The following SORCS1 variants were observed in gnomAD, a reference collection of about 807,000 sequenced individuals.
SORCS1 encodes VPS10 domain-containing receptor SorCS1.
Under a neutral mutation model 146.1 loss-of-function variants are expected in SORCS1, and 60 were observed. The observed-to-expected ratio is 0.41, with a 90% confidence interval of 0.33 to 0.51. SORCS1 has a LOEUF of 0.51. Ranked by LOEUF, SORCS1 falls within the 20% of genes least tolerant of loss-of-function variation. The pLI is 0.21. For synonymous variants in SORCS1, 637 were observed against 584.0 expected (o/e 1.09, Z -1.31); for missense variants, 1,352 against 1,487.6 (o/e 0.91, Z 1.50).
chr10:106,961,595 G>A (rs1380401741), intron 1 of SORCS1, among the ~76,000 whole-genome samples: 1 of 152,162 alleles, frequency 6.6e-6, no homozygotes. Context: ...GAGACTGGAG[G>A]AACTTATTTC....
intron 2 of SORCS1, among the ~76,000 whole-genome samples, chr10:106,942,315 T>C (rs1954084644): frequency 1.3e-5 from 2 of 152,172 alleles, no homozygotes; most frequent in South Asian, 4.1e-4. Flanking sequence ...CCCTTTCTTC[T>C]TTCTCTATTT....
chr10:107,061,233 A>T (rs1961192356), intron 1 of SORCS1, among the ~76,000 whole-genome samples: 1 of 152,216 alleles, frequency 6.6e-6, no homozygotes. Context: ...TAAAAGAAAA[A>T]TAACTTGTTC....
chr10:106,910,334 G>T (rs1589684857), intron 2 of SORCS1, among the ~76,000 whole-genome samples: 1 of 147,308 alleles, frequency 6.8e-6, no homozygotes, highest in African/African-American at 2.7e-5. Context: ...TATATATATA[G>T]AGAGTGAGCG....
intron 24 of SORCS1, among the ~76,000 whole-genome samples, chr10:106,580,058 C>T (rs1354351756): frequency 6.6e-6 from 1 of 152,024 alleles, no homozygotes; most frequent in Non-Finnish European, 1.5e-5. Context: ...ATTCAACCAC[C>T]CCGTCACCCC....
At chr10:106,831,839 C>T (rs1467065412) in intron 2 of SORCS1, among the ~76,000 whole-genome samples, 1 of 152,140 alleles carries the variant, frequency 6.6e-6, no homozygotes, top group Non-Finnish European at 1.5e-5. Flanking sequence ...CTTGAAAGAA[C>T]TATGAACCTT....
intron 2 of SORCS1, among the ~76,000 whole-genome samples, chr10:106,843,409 G>A (rs550913168): frequency 6.7e-6 from 1 of 149,468 alleles, no homozygotes; most frequent in East Asian, 2.0e-4. Context: ...AATTCATGTT[G>A]CGGTAAAAGG....
intron 1 of SORCS1, among the ~76,000 whole-genome samples, chr10:107,097,054 G>C (rs1035162015): frequency 6.6e-6 from 1 of 151,960 alleles, no homozygotes; most frequent in Non-Finnish European, 1.5e-5. Context: ...AGATCTTTTC[G>C]CAAAGTCACA....
At chr10:107,065,448 T>TTTCTTTCTTTCTTTCTTTCTTTC (rs147159020) in intron 1 of SORCS1, among the ~76,000 whole-genome samples, 2 of 121,558 alleles carry the variant, frequency 1.6e-5, no homozygotes, top group Non-Finnish European at 3.5e-5. Flanking sequence ...TCTTTCTTTC[T>TTTCTTTCTTTCTTTCTTTCTTTC]TTTCTCTCTT....
At chr10:106,841,096 C>T (rs569662007) in intron 2 of SORCS1, among the ~76,000 whole-genome samples, 137 of 151,734 alleles carry the variant, frequency 9.0e-4, no homozygotes, top group African/African-American at 3.0e-3. Flanking sequence ...CCTCATGATC[C>T]GCCTGCCTCG....
chr10:106,732,348 G>A (rs1175788292), intron 5 of SORCS1, among the ~76,000 whole-genome samples: 1 of 152,096 alleles, frequency 6.6e-6, no homozygotes, highest in Non-Finnish European at 1.5e-5. Flanking sequence ...GTTAAGTACT[G>A]CAGCGACTAC....
chr10:106,930,156 C>A (rs1021889980), intron 2 of SORCS1, among the ~76,000 whole-genome samples: 1 of 152,062 alleles, frequency 6.6e-6, no homozygotes, highest in Non-Finnish European at 1.5e-5. Context: ...GTGCTGAGCG[C>A]CTGCAGTCCC....
At chr10:106,626,477 C>A (rs940744594) in intron 19 of SORCS1, among the ~76,000 whole-genome samples, 1 of 152,168 alleles carries the variant, frequency 6.6e-6, no homozygotes. Context: ...TATAAAGCCA[C>A]CTCTCACTGC....
chr10:106,709,194 G>C (rs1854766792), intron 7 of SORCS1, 29 bp downstream of exon 7: 2 of 1,525,568 alleles, frequency 1.3e-6, no homozygotes, highest in African/African-American at 2.7e-5. Flanking sequence ...AGGTTTCTGA[G>C]ACAATCAACA....
At chr10:106,745,168 C>T (rs1429144597) in intron 5 of SORCS1, among the ~76,000 whole-genome samples, 1 of 151,972 alleles carries the variant, frequency 6.6e-6, no homozygotes, top group Non-Finnish European at 1.5e-5. Flanking sequence ...CCTGTAATCC[C>T]AGCACTTTGG....
At chr10:106,720,642 C>G (rs540846384) in intron 6 of SORCS1, among the ~76,000 whole-genome samples, 1 of 151,644 alleles carries the variant, frequency 6.6e-6, no homozygotes, top group Non-Finnish European at 1.5e-5. Flanking sequence ...ATTACCACAC[C>G]TGCATGTTAT....
At chr10:106,982,879 C>G (rs1956292966) in intron 1 of SORCS1, among the ~76,000 whole-genome samples, 1 of 151,918 alleles carries the variant, frequency 6.6e-6, no homozygotes, top group African/African-American at 2.4e-5. Context: ...ATAAAGAACA[C>G]CTGATTAGTC....
At chr10:106,988,276 G>T (rs1191457177) in intron 1 of SORCS1, among the ~76,000 whole-genome samples, 1 of 152,176 alleles carries the variant, frequency 6.6e-6, no homozygotes, top group Middle Eastern at 3.2e-3. Flanking sequence ...AACGTTGGTG[G>T]CTTTAAAATT....
chr10:106,821,107 T>G (rs1948000234), intron 3 of SORCS1, among the ~76,000 whole-genome samples: 2 of 152,222 alleles, frequency 1.3e-5, no homozygotes, highest in African/African-American at 4.8e-5. Flanking sequence ...ATGGTCAGCT[T>G]CCAAAAGGTT....
intron 5 of SORCS1, among the ~76,000 whole-genome samples, chr10:106,752,157 G>A (rs1469743263): frequency 6.6e-6 from 1 of 152,140 alleles, no homozygotes; most frequent in Non-Finnish European, 1.5e-5. Context: ...CTAAATCCAT[G>A]CTTTTCCTAC....
Sources: gnomAD v4.1 joint callset for allele counts (sites outside exome capture counted in the v4.1 genomes callset) on GRCh38, gnomAD v4.1.1 for gene constraint, MANE v1.5 for transcripts, NCBI Gene and HGNC (gene_info 2026-07-23, HGNC 2026-07-21) for gene names.